The following NUDC variants were observed in gnomAD, a reference collection of about 807,000 sequenced individuals.
NUDC encodes the protein nuclear migration protein nudC.
In NUDC, 14 loss-of-function variants were observed where a neutral mutation model predicts 45.0. The observed-to-expected ratio is 0.31, with a 90% CI of 0.21 to 0.49. The LOEUF is 0.49. Ranked by LOEUF, NUDC falls within the 20% of genes least tolerant of loss-of-function variation. The pLI, the probability that NUDC is intolerant of heterozygous loss-of-function variation, is 0.99. For synonymous variants in NUDC, 153 were observed against 156.7 expected (o/e 0.98, Z 0.17); for missense variants, 323 against 426.2 (o/e 0.76, Z 2.13).
chr1:26,913,844 G>C (rs1320595832), intron 3 of NUDC: 3 of 1,508,558 alleles, frequency 2.0e-6, no homozygotes, highest in African/African-American at 1.4e-5. Context: ...CGGGGTCGGG[G>C]GACAGCCTTG....
intron 2 of NUDC, among the ~76,000 whole-genome samples, chr1:26,904,852 A>ATTT (rs35902327): frequency 3.5e-5 from 5 of 143,212 alleles, no homozygotes; most frequent in Admixed American, 7.1e-5. Context: ...TTATTATATA[A>ATTT]TTTTTTTTTT....
chr1:26,911,733 T>C (rs2082027690), intron 3 of NUDC: 2 of 1,271,910 alleles, frequency 1.6e-6, no homozygotes, highest in African/African-American at 2.9e-5. Flanking sequence ...AGCCAAGTGC[T>C]GTCTATACAG....
rs568083182 is a variant in NUDC, at chr1:26,900,390, C to T, written c.-111C>T. ...CGAGCGCAACACGGAGGGGATACCG[C>T]TCACTACCAGGTAAACTGTCGCCTC... On this transcript the variant is annotated 5_prime_UTR_variant, in exon 1 of 7. Transcript: ENST00000435827. 7 of 1,613,936 alleles carry T rather than the reference C, an allele frequency of 4.3e-6. No individual in the cohort carries two copies. The African/African-American group carries it at 5.3e-5, about 12-fold the overall frequency.
intron 1 of NUDC, 43 bp downstream of exon 1, chr1:26,921,972 A>G (rs565200035): frequency 3.3e-6 from 5 of 1,536,838 alleles, no homozygotes; most frequent in Middle Eastern, 1.7e-4. Flanking sequence ...GGCCTTGGCC[A>G]CGCTCCTTCC....
intron 2 of NUDC, among the ~76,000 whole-genome samples, chr1:26,927,209 T>TGTGTGTGTGTGTGTGTGTG (rs1304475696): frequency 7.4e-6 from 1 of 134,954 alleles, no homozygotes; most frequent in African/African-American, 3.0e-5. Context: ...TGTCAGGGTC[T>TGTGTGTGTGTGTGTGTGTG]TGCTCTGTTG....
At position 26,936,346 on chromosome 1, in the gene NUDC, C is replaced by T. The variant is rs1570738784; in HGVS notation, c.160-5111C>T. 5.3e-5 allele frequency among the ~76,000 whole-genome samples: 8 copies of T among 150,162 alleles called. No homozygotes were observed. In the South Asian group the frequency reaches 1.5e-3, roughly 28 times the overall value. On this transcript the variant is annotated intron_variant, in intron 2 of 8. Transcript: ENST00000321265. ...CTGGGATTACAGGCATGCGCCACCA[C>T]GCCCAGCTAATTTTTGTATTTTTAG...
intron 2 of NUDC, among the ~76,000 whole-genome samples, chr1:26,924,414 T>G (rs181515933): frequency 2.0e-4 from 30 of 152,296 alleles, no homozygotes; most frequent in Non-Finnish European, 3.4e-4. Flanking sequence ...ATTGAGGAAA[T>G]TGGCTCAAGA....
At chr1:26,930,371 T>C (rs969938282) in intron 2 of NUDC, among the ~76,000 whole-genome samples, 3 of 152,184 alleles carry the variant, frequency 2.0e-5, no homozygotes, top group African/African-American at 7.2e-5. Flanking sequence ...GGTTTCACCA[T>C]CTTGCCCAAG....
At chr1:26,920,881 G>C (rs780180543), upstream of NUDC, among the ~76,000 whole-genome samples, 2 of 152,068 alleles carry the variant, frequency 1.3e-5, no homozygotes, top group Non-Finnish European at 2.9e-5. Flanking sequence ...CAAGGCTGCC[G>C]TAAGCCAAGA....
chr1:26,945,020 C>T (rs2082307328), intron 6 of NUDC: 1 of 285,030 alleles, frequency 3.5e-6, no homozygotes, highest in African/African-American at 2.2e-5. Context: ...CCAGCCTGGA[C>T]AAGAAGAACA....
chr1:26,913,819 C>G (rs768288444), intron 3 of NUDC: 3 of 1,513,610 alleles, frequency 2.0e-6, no homozygotes, highest in Non-Finnish European at 2.7e-6. Context: ...GTGCTGCCTA[C>G]ATAGGCAGCG....
chr1:26,925,637 G>C (rs1007053560), intron 2 of NUDC, among the ~76,000 whole-genome samples: 1 of 150,802 alleles, frequency 6.6e-6, no homozygotes, highest in African/African-American at 2.4e-5. Flanking sequence ...CTGTTTTGTA[G>C]TATTGATTCT....
At chr1:26,909,238 G>A (rs921185473) in intron 2 of NUDC, among the ~76,000 whole-genome samples, 1 of 152,176 alleles carries the variant, frequency 6.6e-6, no homozygotes. Context: ...GCCTCCAAAA[G>A]TGCTGGGATT....
chr1:26,906,854 A>T lies in NUDC; in HGVS notation c.-15-4274A>T, dbSNP rs556778877. Among the ~76,000 whole-genome samples, 37 of 152,142 alleles carry T rather than the reference A, an allele frequency of 2.4e-4. 1 individual carries two copies. The highest frequency in any genetic ancestry group is 1.7e-3 in the East Asian group (9 of 5,204). ...AATGAGCAAGACTCCGTCTCAAAAA[A>T]AATAATAATAATAAAAATAAATAAA... On this transcript the variant is annotated intron_variant, in intron 2 of 6. Transcript: ENST00000435827.
intron 2 of NUDC, among the ~76,000 whole-genome samples, chr1:26,937,762 C>T (rs2082246812): frequency 6.6e-6 from 1 of 151,958 alleles, no homozygotes; most frequent in Admixed American, 6.6e-5. Context: ...AAGCAATCCC[C>T]CTGCCTCAGT....
At chr1:26,932,997 T>TCTGTTTCTTGCC (rs1387016856) in intron 2 of NUDC, among the ~76,000 whole-genome samples, 3 of 152,156 alleles carry the variant, frequency 2.0e-5, no homozygotes, top group Non-Finnish European at 2.9e-5. Flanking sequence ...CAAGTCTTGC[T>TCTGTTTCTTGCC]CTGTTTCTTG....
chr1:26,911,042 C>G lies in NUDC; in HGVS notation c.-15-86C>G, dbSNP rs550807916. On this transcript the variant is annotated intron_variant, in intron 2 of 6. Transcript: ENST00000435827. ...CAGCTAAACCTTGGTCTGCCTTGGC[C>G]TTCAAGCAGTTGCCAGGCCAGCCCT... The G allele has an allele frequency of 4.6e-5, 21 of 453,020 alleles. 1 individual carries two copies. Among genetic ancestry groups the G allele is most frequent in the African/African-American group, 4.0e-4 (20 of 49,738 alleles). The allele number at this position is 453,020 out of a possible 1,614,324, so 28.1% of individuals were successfully genotyped here.
At chr1:26,937,405 G>A (rs909236252) in intron 2 of NUDC, among the ~76,000 whole-genome samples, 7 of 152,024 alleles carry the variant, frequency 4.6e-5, no homozygotes, top group Admixed American at 2.0e-4. Context: ...TTAGCCTCCC[G>A]AGTAGCTGGG....
intron 2 of NUDC, among the ~76,000 whole-genome samples, chr1:26,938,993 A>G (rs921043750): frequency 3.3e-5 from 5 of 152,152 alleles, no homozygotes; most frequent in African/African-American, 1.2e-4. Flanking sequence ...AGAACAACAC[A>G]TGCCAAGATT....
Sources: gnomAD v4.1 joint callset for allele counts (sites outside exome capture counted in the v4.1 genomes callset) on GRCh38, gnomAD v4.1.1 for gene constraint, MANE v1.5 for transcripts, NCBI Gene and HGNC (gene_info 2026-07-23, HGNC 2026-07-21) for gene names.